RAB22A: variants seen among roughly 807,000 people sequenced by gnomAD.
RAB22A encodes the protein ras-related protein Rab-22A.
RAB22A carries 13 observed loss-of-function variants against 30.2 expected under a neutral mutation model. The observed-to-expected ratio is 0.43, with a 90% confidence interval of 0.28 to 0.68. The LOEUF (loss-of-function observed/expected upper bound fraction) is 0.68, where lower values mean the gene tolerates loss of function less well. RAB22A is among the 30% of genes least tolerant of loss of function. The pLI, the probability that RAB22A is intolerant of heterozygous loss-of-function variation, is 0.18. For synonymous variants in RAB22A, 89 were observed against 87.2 expected (o/e 1.02, Z -0.11); for missense variants, 177 against 246.8 (o/e 0.72, Z 1.89).
intron 2 of RAB22A, among the ~76,000 whole-genome samples, chr20:58,312,593 A>G (rs1053112118): frequency 5.1e-5 from 7 of 137,504 alleles, no homozygotes; most frequent in African/African-American, 1.9e-4. Flanking sequence ...GATTCACGCC[A>G]TTCTCCTGCC....
chr20:58,343,915 CATTT>C, intron 3 of RAB22A, 116 bp downstream of exon 3: 1 of 819,746 alleles, frequency 1.2e-6, no homozygotes, highest in South Asian at 1.7e-5. Context: ...ACCGGAGACA[CATTT>C]ATTTCCATTT....
intron 3 of RAB22A, among the ~76,000 whole-genome samples, chr20:58,349,204 A>G (rs1568872496): frequency 6.6e-6 from 1 of 152,230 alleles, no homozygotes; most frequent in Non-Finnish European, 1.5e-5. Flanking sequence ...TTAAAAAAAC[A>G]ACTGTTTGAA....
In RAB22A at chr20:58,311,206, C is replaced by T. The variant is rs113877734; in HGVS notation, c.116+84C>T. On this transcript the variant is annotated intron_variant, in intron 2 of 6. Coordinates refer to ENST00000244040, the MANE Select transcript of RAB22A (RefSeq NM_020673.3). ...TAGTGTGTTACAGGTGTAGGCCCTGCGCTTTGTAGTCATTGAATTCTGAGT... is the reference window on the plus strand; with the variant it reads ...TAGTGTGTTACAGGTGTAGGCCCTGTGCTTTGTAGTCATTGAATTCTGAGT... The T allele has an allele frequency of 3.3e-4, 408 of 1,243,824 alleles. 1 individual carries two copies. The African/African-American group carries it at 5.4e-3, about 16-fold the overall frequency. 77.0% of individuals were successfully genotyped at this position (1,243,824 alleles called of 1,614,324 possible). A position where few individuals can be genotyped will look rare whatever the true frequency, so the allele number is the denominator to read the frequency against.
At chr20:58,317,707 C>T (rs929323256) in intron 2 of RAB22A, among the ~76,000 whole-genome samples, 7 of 151,672 alleles carry the variant, frequency 4.6e-5, no homozygotes, top group South Asian at 4.2e-4. Context: ...TACAGGCACC[C>T]GCCACCACGC....
intron 2 of RAB22A, among the ~76,000 whole-genome samples, chr20:58,321,189 CAAAA>C (rs776776631): frequency 1.7e-5 from 2 of 117,056 alleles, no homozygotes; most frequent in Non-Finnish European, 1.8e-5. Context: ...GACTCCATCT[CAAAA>C]AAAAAAAAAA....
chr20:58,358,315 G>T (rs1316709651), intron 6 of RAB22A, among the ~76,000 whole-genome samples: 3 of 152,160 alleles, frequency 2.0e-5, no homozygotes, highest in Non-Finnish European at 4.4e-5. Context: ...GAGTAATTTG[G>T]CAGCATCTGT....
intron 2 of RAB22A, among the ~76,000 whole-genome samples, chr20:58,334,147 A>G (rs1166032829): frequency 6.6e-6 from 1 of 152,042 alleles, no homozygotes; most frequent in Non-Finnish European, 1.5e-5. Context: ...CCTGGCCAAC[A>G]TGGTGAAACC....
intron 2 of RAB22A, 110 bp downstream of exon 2, chr20:58,311,232 C>A: frequency 3.0e-6 from 3 of 1,013,956 alleles, no homozygotes; most frequent in South Asian, 1.3e-5. Flanking sequence ...AATTCTGAGT[C>A]GCTGGTTCGC....
chr20:58,363,653 C>T lies in RAB22A; in HGVS notation c.*3950C>T, dbSNP rs1987267324. On this transcript the variant is annotated 3_prime_UTR_variant, in exon 7 of 7. Coordinates refer to ENST00000244040, the MANE Select transcript of RAB22A (RefSeq NM_020673.3). ...TTAAAGGGACAGTTTTACCGTTCAACTTCAAGAGTTTTTCTACCTCTTTAA... is the reference window on the plus strand; with the variant it reads ...TTAAAGGGACAGTTTTACCGTTCAATTTCAAGAGTTTTTCTACCTCTTTAA... 6.6e-6 allele frequency: 1 copy of T among 152,158 alleles called. No homozygotes were observed. The highest frequency in any genetic ancestry group is 2.1e-4 in the South Asian group (1 of 4,832). The allele number at this position is 152,158 out of a possible 1,614,324, so 9.4% of individuals were successfully genotyped here.
rs183979751 is a variant in RAB22A, at chr20:58,327,422, G to A, written c.117-16296G>A. ...TATCTGAAGGATCCTCTTCCAGCAA[G>A]GCTCACTCACATGGCTGTTGGCTGG... On this transcript the variant is annotated intron_variant, in intron 2 of 6. Transcript: ENST00000244040. 4.7e-4 allele frequency among the ~76,000 whole-genome samples: 72 copies of A among 152,344 alleles called. No homozygotes were observed. The East Asian group carries it at 0.013, about 28-fold the overall frequency.
chr20:58,334,085 C>G (rs1016517218), intron 2 of RAB22A, among the ~76,000 whole-genome samples: 3 of 152,002 alleles, frequency 2.0e-5, no homozygotes, highest in East Asian at 3.9e-4. Flanking sequence ...AATCGCAGCA[C>G]TTTGGGAGGC....
chr20:58,326,590 C>G lies in RAB22A; in HGVS notation c.116+15468C>G, dbSNP rs1986573912. Among the ~76,000 whole-genome samples the G allele has an allele frequency of 3.3e-5, 5 of 152,182 alleles. No individual in the cohort carries two copies. The South Asian group carries it at 1.0e-3, about 32-fold the overall frequency. ...CCCCCTAGTTGAGGACATCCAAGTT[C>G]CAGTTTTTGACTATTATGAATATAC... is the stretch of plus-strand genomic sequence containing the variant. On this transcript the variant is annotated intron_variant, in intron 2 of 6. Coordinates refer to ENST00000244040, the MANE Select transcript of RAB22A (RefSeq NM_020673.3).
chr20:58,315,271 T>C (rs951429228), intron 2 of RAB22A, among the ~76,000 whole-genome samples: 1 of 152,112 alleles, frequency 6.6e-6, no homozygotes, highest in African/African-American at 2.4e-5. Flanking sequence ...TTCCCATGTT[T>C]CTCACCTCCC....
At chr20:58,349,777 T>C (rs1190664395) in intron 3 of RAB22A, among the ~76,000 whole-genome samples, 1 of 152,114 alleles carries the variant, frequency 6.6e-6, no homozygotes, top group South Asian at 2.1e-4. Flanking sequence ...CTTAATACTC[T>C]TCAGAGAAGA....
chr20:58,356,326 A>AT (rs1435581857), intron 6 of RAB22A, among the ~76,000 whole-genome samples: 25 of 151,322 alleles, frequency 1.7e-4, no homozygotes, highest in Non-Finnish European at 2.8e-4. Flanking sequence ...AAAAAAAAAA[A>AT]GGAAGATAGT....
chr20:58,356,701 A>G (rs1318250576), intron 6 of RAB22A, among the ~76,000 whole-genome samples: 1 of 152,120 alleles, frequency 6.6e-6, no homozygotes, highest in Admixed American at 6.5e-5. Context: ...TGTTTTACAT[A>G]TATTTTGTAC....
intron 6 of RAB22A, among the ~76,000 whole-genome samples, chr20:58,355,861 A>T (rs973023271): frequency 6.6e-6 from 1 of 152,182 alleles, no homozygotes. Context: ...GTTGTCCTGG[A>T]TGTAAATAGC....
At position 58,367,457 on chromosome 20, in the gene RAB22A, G is replaced by A. The variant is rs1261466026; in HGVS notation, c.*7754G>A. On this transcript the variant is annotated 3_prime_UTR_variant, in exon 7 of 7. Transcript: ENST00000244040. ...TAACATGCTAAATCACTGTTTTGTT[G>A]TAAGAAGGGTGTAAACATTTTGTTA... 1 of 152,518 alleles carries A rather than the reference G, an allele frequency of 6.6e-6. No homozygotes were observed. The highest frequency in any genetic ancestry group is 2.4e-5 in the African/African-American group (1 of 41,394). The allele number at this position is 152,518 out of a possible 1,614,324, so 9.4% of individuals were successfully genotyped here. A position where few individuals can be genotyped will look rare whatever the true frequency, so the allele number is the denominator to read the frequency against.
Position 58,362,046 on chromosome 20 carries a change from T to C in RAB22A, c.*2343T>C, listed in dbSNP as rs937877403. 2.0e-5 allele frequency: 3 copies of C among 152,196 alleles called. No homozygotes were observed. The highest frequency in any genetic ancestry group is 2.0e-4 in the Admixed American group (3 of 15,278). 9.4% of individuals were successfully genotyped at this position (152,196 alleles called of 1,614,324 possible). On this transcript the variant is annotated 3_prime_UTR_variant, in exon 7 of 7. Transcript: ENST00000244040. The stretch of plus-strand genomic sequence containing the variant: ...ATTCTGTTTTATTATAGCCACATGT[T>C]TTATTAACAGAATGAGTGATATGAA...
Sources: gnomAD v4.1 joint callset for allele counts (sites outside exome capture counted in the v4.1 genomes callset) on GRCh38, gnomAD v4.1.1 for gene constraint, MANE v1.5 for transcripts, NCBI Gene and HGNC (gene_info 2026-07-23, HGNC 2026-07-21) for gene names.